The following KCNMA1 variants were observed in gnomAD, a reference collection of about 807,000 sequenced individuals.
KCNMA1 encodes the protein potassium calcium-activated channel subfamily M alpha 1, also known as Calcium-activated potassium channel subunit alpha-1.
Under a neutral mutation model 140.0 loss-of-function variants are expected in KCNMA1, and 29 were observed. That is an observed-to-expected ratio of 0.21 (90% CI 0.15 to 0.28). KCNMA1 has a LOEUF of 0.28. Ranked by LOEUF, KCNMA1 falls within the 10% of genes least tolerant of loss-of-function variation. The pLI, the probability that KCNMA1 is intolerant of heterozygous loss-of-function variation, is 1.00. For missense variants in KCNMA1, 880 were observed against 1,602.2 expected, an observed-to-expected ratio of 0.55 and a Z score of 7.70; for synonymous variants, 612 against 611.9, an observed-to-expected ratio of 1.00 and a Z score of 0.00.
At chr10:77,404,742 A>G (rs2096409654) in intron 1 of KCNMA1, among the ~76,000 whole-genome samples, 1 of 152,084 alleles carries the variant, frequency 6.6e-6, no homozygotes, top group Admixed American at 6.5e-5. Flanking sequence ...CTCTCAGTCT[A>G]TGTAGTTCAA....
At chr10:77,542,791 T>C (rs1230357439) in intron 1 of KCNMA1, among the ~76,000 whole-genome samples, 1 of 152,186 alleles carries the variant, frequency 6.6e-6, no homozygotes, top group African/African-American at 2.4e-5. Flanking sequence ...TTGGCAGAAG[T>C]TGTCAGGTTC....
intron 1 of KCNMA1, among the ~76,000 whole-genome samples, chr10:77,487,487 A>G (rs760025347): frequency 6.6e-6 from 1 of 152,194 alleles, no homozygotes; most frequent in African/African-American, 2.4e-5. Flanking sequence ...AGACACTATC[A>G]CACTTGCCCT....
chr10:77,161,413 A>G (rs2098553109), intron 5 of KCNMA1, among the ~76,000 whole-genome samples: 1 of 149,996 alleles, frequency 6.7e-6, no homozygotes, highest in African/African-American at 2.4e-5. Flanking sequence ...ACGCCCAACT[A>G]CTTTTTTTTT....
At chr10:77,507,149 C>T (rs536160727) in intron 1 of KCNMA1, among the ~76,000 whole-genome samples, 1 of 152,282 alleles carries the variant, frequency 6.6e-6, no homozygotes, top group East Asian at 1.9e-4. Flanking sequence ...AATTTAAAAA[C>T]AAATGCTTTG....
chr10:77,432,792 C>T (rs1299115026), intron 1 of KCNMA1, among the ~76,000 whole-genome samples: 1 of 152,158 alleles, frequency 6.6e-6, no homozygotes, highest in African/African-American at 2.4e-5. Context: ...TTTTAAAAAA[C>T]TACCAAACAG....
At chr10:77,344,098 C>A (rs1455194613) in intron 2 of KCNMA1, among the ~76,000 whole-genome samples, 1 of 152,220 alleles carries the variant, frequency 6.6e-6, no homozygotes, top group Admixed American at 6.5e-5. Flanking sequence ...AAGTGATGCA[C>A]ATCCCTTAGT....
intron 11 of KCNMA1, among the ~76,000 whole-genome samples, chr10:77,085,215 G>A (rs2096664362): frequency 6.6e-6 from 1 of 152,122 alleles, no homozygotes; most frequent in Non-Finnish European, 1.5e-5. Flanking sequence ...TCTATAGGCT[G>A]GGAAGAGATC....
rs1018854854 is a variant in KCNMA1 at position 77,620,127 on chromosome 10, C to T, written c.378+17138G>A. Among the ~76,000 whole-genome samples the T allele has an allele frequency of 3.3e-5, 5 of 152,214 alleles. No homozygotes were observed. In the South Asian group the frequency reaches 1.0e-3, roughly 31 times the overall value. On this transcript the variant is annotated intron_variant, in intron 1 of 27. Transcript: ENST00000286628. ...ACCAGGCCCACAAGCCTGTCTGTTGCACCAGTGCCCAGGAGGGGCTGTCGA... is the reference window on the plus strand; with the variant it reads ...ACCAGGCCCACAAGCCTGTCTGTTGTACCAGTGCCCAGGAGGGGCTGTCGA...
chr10:76,922,366 A>G (rs1221892796), intron 23 of KCNMA1, among the ~76,000 whole-genome samples: 1 of 152,174 alleles, frequency 6.6e-6, no homozygotes, highest in Non-Finnish European at 1.5e-5. Flanking sequence ...TTCTATGCAT[A>G]AGAAACCCAT....
chr10:77,227,893 T>A (rs766379827), intron 3 of KCNMA1, among the ~76,000 whole-genome samples: 24 of 152,182 alleles, frequency 1.6e-4, no homozygotes, highest in Non-Finnish European at 2.8e-4. Flanking sequence ...CCCTGTAAGA[T>A]GTTATGAGGA....
chr10:77,350,234 TA>T (rs765930539), intron 2 of KCNMA1: 1 of 152,202 alleles, frequency 6.6e-6, no homozygotes, highest in Non-Finnish European at 1.5e-5. Context: ...TACTGATGCA[TA>T]GGGCACACCA....
chr10:77,405,623 A>C (rs1566629436), intron 1 of KCNMA1, among the ~76,000 whole-genome samples: 1 of 152,260 alleles, frequency 6.6e-6, no homozygotes, highest in African/African-American at 2.4e-5. Flanking sequence ...ATGTACATTT[A>C]ACTGGACCCC....
chr10:77,307,340 T>G (rs1261898311), intron 2 of KCNMA1, among the ~76,000 whole-genome samples: 7 of 152,182 alleles, frequency 4.6e-5, no homozygotes, highest in Non-Finnish European at 1.0e-4. Flanking sequence ...TTTTTTGAGT[T>G]TACAATACTC....
chr10:76,894,574 T>C (rs1256254111), intron 25 of KCNMA1, among the ~76,000 whole-genome samples: 1 of 152,082 alleles, frequency 6.6e-6, no homozygotes, highest in Non-Finnish European at 1.5e-5. Flanking sequence ...TGTTTGCAAA[T>C]CATATGTCTG....
chr10:77,618,032 G>A (rs2090151115), intron 1 of KCNMA1, among the ~76,000 whole-genome samples: 1 of 152,172 alleles, frequency 6.6e-6, no homozygotes, highest in Non-Finnish European at 1.5e-5. Context: ...TAGACGTGAT[G>A]TGAATGACTT....
At chr10:77,634,669 T>C in intron 1 of KCNMA1, 2 of 985,232 alleles carry the variant, frequency 2.0e-6, no homozygotes, top group Non-Finnish European at 2.4e-6. Context: ...TATGTTTTCT[T>C]GGGAAATCTA....
chr10:77,385,855 C>T (rs2095582943), intron 2 of KCNMA1, among the ~76,000 whole-genome samples: 1 of 152,194 alleles, frequency 6.6e-6, no homozygotes, highest in Non-Finnish European at 1.5e-5. Flanking sequence ...GAAAATTCAT[C>T]TGGCAATAGC....
chr10:77,333,782 G>A (rs1462526406), intron 2 of KCNMA1, among the ~76,000 whole-genome samples: 2 of 152,326 alleles, frequency 1.3e-5, no homozygotes, highest in African/African-American at 4.8e-5. Context: ...CGCAGCTGCT[G>A]AAGTGTTGCC....
intron 1 of KCNMA1, among the ~76,000 whole-genome samples, chr10:77,481,198 T>G (rs755048573): frequency 1.3e-5 from 2 of 152,066 alleles, no homozygotes; most frequent in African/African-American, 2.4e-5. Context: ...GTACATGTTA[T>G]TTCTCCAATG....
Sources: gnomAD v4.1 joint callset for allele counts (sites outside exome capture counted in the v4.1 genomes callset) on GRCh38, gnomAD v4.1.1 for gene constraint, MANE v1.5 for transcripts, NCBI Gene and HGNC (gene_info 2026-07-23, HGNC 2026-07-21) for gene names.